LHFPL6: variants seen among roughly 807,000 people sequenced by gnomAD.
LHFPL6 encodes LHFPL tetraspan subfamily member 6.
LHFPL6 carries 9 observed loss-of-function variants against 20.6 expected under a neutral mutation model. The ratio of observed to expected loss-of-function variants is 0.44; its 90% confidence interval spans 0.26 to 0.76. LHFPL6 has a LOEUF of 0.76. LHFPL6 is among the 30% of genes least tolerant of loss of function. The probability of loss-of-function intolerance (pLI) is 0.20; values close to 1 mark genes in which losing one functional copy is unlikely to be tolerated. For missense variants in LHFPL6, 218 were observed against 253.5 expected (o/e 0.86, Z 0.95); for synonymous variants, 105 against 98.7 (o/e 1.06, Z -0.38).
At chr13:39,494,476 A>T (rs1869032508) in intron 2 of LHFPL6, among the ~76,000 whole-genome samples, 1 of 152,190 alleles carries the variant, frequency 6.6e-6, no homozygotes. Flanking sequence ...TGGCAGCCTG[A>T]CTAGGTACAC....
chr13:39,554,171 T>C (rs1243090303), intron 2 of LHFPL6, among the ~76,000 whole-genome samples: 2 of 152,210 alleles, frequency 1.3e-5, no homozygotes, highest in African/African-American at 4.8e-5. Context: ...CTTTGACTTC[T>C]CCCTCTCCTG....
intron 2 of LHFPL6, among the ~76,000 whole-genome samples, chr13:39,427,108 A>G (rs1871664689): frequency 6.6e-6 from 1 of 151,988 alleles, no homozygotes; most frequent in Non-Finnish European, 1.5e-5. Flanking sequence ...ATATATTAAA[A>G]TAGAAATACT....
intron 2 of LHFPL6, among the ~76,000 whole-genome samples, chr13:39,560,571 G>C (rs1478825854): frequency 1.4e-5 from 2 of 144,448 alleles, no homozygotes; most frequent in Non-Finnish European, 3.0e-5. Context: ...CTGGAGTGCA[G>C]TGGCGCGATC....
chr13:39,457,427 A>G (rs1872596573), intron 2 of LHFPL6, among the ~76,000 whole-genome samples: 1 of 152,226 alleles, frequency 6.6e-6, no homozygotes, highest in Admixed American at 6.5e-5. Context: ...TCACAATGAG[A>G]TATCACTACA....
At chr13:39,413,246 T>A (rs1449183194) in intron 2 of LHFPL6, among the ~76,000 whole-genome samples, 1 of 152,198 alleles carries the variant, frequency 6.6e-6, no homozygotes, top group Admixed American at 6.5e-5. Flanking sequence ...TTTAATCCAA[T>A]TTAACATACT....
intron 2 of LHFPL6, among the ~76,000 whole-genome samples, chr13:39,448,229 AG>A (rs2138419159): frequency 6.6e-6 from 1 of 152,374 alleles, no homozygotes; most frequent in East Asian, 1.9e-4. Context: ...ACTGTTATTC[AG>A]GGTACATTTT....
At chr13:39,474,793 C>A (rs1873039828) in intron 2 of LHFPL6, among the ~76,000 whole-genome samples, 1 of 151,848 alleles carries the variant, frequency 6.6e-6, no homozygotes, top group Admixed American at 6.6e-5. Context: ...GCCAGTACCA[C>A]AGACAGCGAT....
chr13:39,371,675 A>G (rs918455050), intron 3 of LHFPL6, among the ~76,000 whole-genome samples: 1 of 152,246 alleles, frequency 6.6e-6, no homozygotes, highest in African/African-American at 2.4e-5. Context: ...GACAAAAGAA[A>G]GAAAAGACTA....
chr13:39,484,414 C>A (rs1249781139), intron 2 of LHFPL6, among the ~76,000 whole-genome samples: 1 of 152,064 alleles, frequency 6.6e-6, no homozygotes, highest in African/African-American at 2.4e-5. Flanking sequence ...TGAGAGGAAA[C>A]CCTGGCTGAA....
intron 2 of LHFPL6, among the ~76,000 whole-genome samples, chr13:39,556,350 A>C (rs1871303289): frequency 6.6e-6 from 1 of 152,150 alleles, no homozygotes; most frequent in African/African-American, 2.4e-5. Flanking sequence ...CTTCTTAGAG[A>C]CTGGTTAAAT....
At chr13:39,581,739 G>A (rs1208978578) in intron 2 of LHFPL6, among the ~76,000 whole-genome samples, 1 of 151,922 alleles carries the variant, frequency 6.6e-6, no homozygotes, top group Non-Finnish European at 1.5e-5. Context: ...AAAAAAAAGT[G>A]CTATTCCTAT....
chr13:39,440,203 A>G (rs924860227), intron 2 of LHFPL6, among the ~76,000 whole-genome samples: 1 of 152,196 alleles, frequency 6.6e-6, no homozygotes, highest in South Asian at 2.1e-4. Flanking sequence ...ACATCTCCTA[A>G]GGAAGAGTTA....
intron 2 of LHFPL6, among the ~76,000 whole-genome samples, chr13:39,438,788 A>C (rs1404902106): frequency 1.3e-5 from 2 of 152,252 alleles, no homozygotes; most frequent in Non-Finnish European, 1.5e-5. Context: ...GGCAACTTCC[A>C]TATGGTATTA....
intron 2 of LHFPL6, among the ~76,000 whole-genome samples, chr13:39,504,302 C>A (rs953744650): frequency 1.3e-5 from 2 of 152,174 alleles, no homozygotes; most frequent in African/African-American, 4.8e-5. Flanking sequence ...CCAACATTAT[C>A]ATTAATGACC....
chr13:39,373,305 C>A (rs907063379), intron 3 of LHFPL6, among the ~76,000 whole-genome samples: 4 of 152,206 alleles, frequency 2.6e-5, no homozygotes, highest in Non-Finnish European at 5.9e-5. Context: ...AGGCTGCTTA[C>A]TCCTGCAGGT....
chr13:39,582,725 T>C (rs1872326878), intron 2 of LHFPL6, among the ~76,000 whole-genome samples: 1 of 152,198 alleles, frequency 6.6e-6, no homozygotes, highest in Non-Finnish European at 1.5e-5. Context: ...ATGTGTATCT[T>C]ACAGGATCTT....
chr13:39,427,715 T>G (rs1404737506), intron 2 of LHFPL6, among the ~76,000 whole-genome samples: 4 of 152,228 alleles, frequency 2.6e-5, no homozygotes, highest in Admixed American at 1.3e-4. Context: ...CTAGGGTTCA[T>G]GAGTGATACT....
chr13:39,423,452 T>C (rs970824506), intron 2 of LHFPL6, among the ~76,000 whole-genome samples: 4 of 151,840 alleles, frequency 2.6e-5, no homozygotes, highest in African/African-American at 9.7e-5. Context: ...AGATGAAGTG[T>C]CACTCTTGTT....
intron 2 of LHFPL6, among the ~76,000 whole-genome samples, chr13:39,415,089 CAGA>C (rs1871315845): frequency 6.6e-6 from 1 of 152,198 alleles, no homozygotes; most frequent in African/African-American, 2.4e-5. Flanking sequence ...ACACATTCCT[CAGA>C]CCCCAGGACA....
Sources: gnomAD v4.1 joint callset for allele counts (sites outside exome capture counted in the v4.1 genomes callset) on GRCh38, gnomAD v4.1.1 for gene constraint, MANE v1.5 for transcripts, NCBI Gene and HGNC (gene_info 2026-07-23, HGNC 2026-07-21) for gene names.